ASIC2: variants seen among roughly 807,000 people sequenced by gnomAD.
The protein encoded by ASIC2 is acid sensing ion channel subunit 2.
In ASIC2, 25 loss-of-function variants were observed where a neutral mutation model predicts 57.3. The observed-to-expected ratio is 0.44, with a 90% CI of 0.32 to 0.61. ASIC2 has a LOEUF of 0.61. ASIC2 is among the 20% of genes least tolerant of loss of function. The probability of loss-of-function intolerance (pLI) is 0.06; values close to 1 mark genes in which losing one functional copy is unlikely to be tolerated. For missense variants in ASIC2, 641 were observed against 738.1 expected (o/e 0.87, Z 1.52); for synonymous variants, 319 against 307.5 (o/e 1.04, Z -0.39).
intron 1 of ASIC2, among the ~76,000 whole-genome samples, chr17:33,197,923 T>C (rs1043931059): frequency 2.0e-5 from 3 of 152,220 alleles, no homozygotes; most frequent in South Asian, 4.1e-4. Flanking sequence ...TATTTAGATA[T>C]GTGTTACATG....
chr17:33,025,452 T>C (rs2091854778), intron 5 of ASIC2, among the ~76,000 whole-genome samples: 1 of 151,886 alleles, frequency 6.6e-6, no homozygotes, highest in South Asian at 2.1e-4. Context: ...CTCCTCCACC[T>C]CCCCTAGGCT....
chr17:33,252,748 G>T (rs145593601), intron 1 of ASIC2, among the ~76,000 whole-genome samples: 1 of 151,900 alleles, frequency 6.6e-6, no homozygotes, highest in Non-Finnish European at 1.5e-5. Context: ...CTTCTCTTAC[G>T]CCTTTGCCCA....
chr17:33,434,650 A>G (rs922652976), intron 1 of ASIC2, among the ~76,000 whole-genome samples: 18 of 152,352 alleles, frequency 1.2e-4, no homozygotes, highest in African/African-American at 4.3e-4. Flanking sequence ...TCATCGATAT[A>G]CAAGAACTCA....
At chr17:33,735,561 G>A (rs1909885291) in intron 1 of ASIC2, among the ~76,000 whole-genome samples, 1 of 152,158 alleles carries the variant, frequency 6.6e-6, no homozygotes. Context: ...TGGGTGGAGG[G>A]TTGGCTGGGA....
intron 1 of ASIC2, among the ~76,000 whole-genome samples, chr17:33,957,669 C>G (rs369403973): frequency 3.7e-4 from 57 of 152,110 alleles, no homozygotes; most frequent in African/African-American, 1.3e-3. Context: ...TCCCATGACA[C>G]GTGGGGATTA....
At chr17:33,867,705 A>G (rs382850) in intron 1 of ASIC2, among the ~76,000 whole-genome samples, 103,742 of 151,844 alleles carry the variant, frequency 0.68, 36,482 homozygotes, top group Admixed American at 0.8. Context: ...GAGCCCCACG[A>G]AGAGGCCTGG....
chr17:33,092,941 T>A (rs745766829), intron 2 of ASIC2, among the ~76,000 whole-genome samples: 3 of 152,182 alleles, frequency 2.0e-5, no homozygotes, highest in Admixed American at 6.5e-5. Context: ...CCCTGCTGTA[T>A]CTGGTCAGCT....
intron 1 of ASIC2, among the ~76,000 whole-genome samples, chr17:33,629,404 C>T (rs1906091268): frequency 6.6e-6 from 1 of 152,190 alleles, no homozygotes; most frequent in Admixed American, 6.5e-5. Flanking sequence ...GATCAATGCA[C>T]AGCTCTCCTA....
chr17:33,278,712 C>T (rs556559612), intron 1 of ASIC2, among the ~76,000 whole-genome samples: 1 of 152,056 alleles, frequency 6.6e-6, no homozygotes, highest in African/African-American at 2.4e-5. Flanking sequence ...TTTGCCATAA[C>T]TCTTTATTGA....
At chr17:33,722,376 T>C (rs1909414580) in intron 1 of ASIC2, among the ~76,000 whole-genome samples, 1 of 152,358 alleles carries the variant, frequency 6.6e-6, no homozygotes, top group African/African-American at 2.4e-5. Context: ...GGTATGTCCT[T>C]ATTAGCAGCG....
At position 33,292,710 on chromosome 17, in the gene ASIC2, G is replaced by C. The variant is rs889605086; in HGVS notation, c.-595C>G. On this transcript the variant is annotated 5_prime_UTR_variant, in exon 1 of 10. Coordinates refer to ENST00000225823, the MANE Select transcript of ASIC2 (RefSeq NM_183377.2). The stretch of plus-strand genomic sequence containing the variant: ...CGCACCGCGGCTCCTGGCTGGGCGG[G>C]CGGGGTGGGTGTGTACGGGGGTGAG... 2.0e-6 allele frequency: 2 copies of C among 985,504 alleles called. No homozygotes were observed. The highest frequency in any genetic ancestry group is 1.2e-4 in the Admixed American group (2 of 16,280). The allele number at this position is 985,504 out of a possible 1,614,324, so 61.0% of individuals were successfully genotyped here.
intron 1 of ASIC2, among the ~76,000 whole-genome samples, chr17:33,967,888 C>G (rs935164861): frequency 6.6e-6 from 1 of 152,180 alleles, no homozygotes; most frequent in South Asian, 2.1e-4. Flanking sequence ...TGGTTTAATG[C>G]TCTGCTCTCA....
intron 1 of ASIC2, among the ~76,000 whole-genome samples, chr17:33,283,041 G>A (rs1333137790): frequency 6.6e-6 from 1 of 152,170 alleles, no homozygotes; most frequent in Non-Finnish European, 1.5e-5. Context: ...TTGCACTTTG[G>A]TTTGACTGAC....
chr17:33,497,310 T>C (rs1913967102), intron 1 of ASIC2, among the ~76,000 whole-genome samples: 1 of 152,258 alleles, frequency 6.6e-6, no homozygotes, highest in East Asian at 1.9e-4. Flanking sequence ...CACATGGGCA[T>C]TTGGAGAAAG....
chr17:33,211,536 G>GAA (rs10717410), intron 1 of ASIC2, among the ~76,000 whole-genome samples: 3,839 of 126,650 alleles, frequency 0.03, 75 homozygotes, highest in East Asian at 0.081. Context: ...CTCTTTAAAT[G>GAA]AAAAAAAAAA....
intron 1 of ASIC2, chr17:34,120,179 T>C (rs549142179): frequency 6.6e-6 from 1 of 152,364 alleles, no homozygotes; most frequent in African/African-American, 2.4e-5. Context: ...TTTGAGCTCC[T>C]TTCTGATGAC....
intron 1 of ASIC2, among the ~76,000 whole-genome samples, chr17:33,548,790 T>C (rs1031839385): frequency 6.6e-5 from 10 of 152,150 alleles, no homozygotes; most frequent in African/African-American, 9.7e-5. Flanking sequence ...GTCAAGGTCA[T>C]TACCACCACA....
intron 1 of ASIC2, among the ~76,000 whole-genome samples, chr17:33,732,449 C>T (rs1909771120): frequency 1.3e-5 from 2 of 151,548 alleles, no homozygotes; most frequent in Admixed American, 1.3e-4. Flanking sequence ...GATCTCTATA[C>T]CTCCATGTTC....
At chr17:33,848,790 A>C (rs972736436) in intron 1 of ASIC2, among the ~76,000 whole-genome samples, 1 of 152,050 alleles carries the variant, frequency 6.6e-6, no homozygotes, top group Non-Finnish European at 1.5e-5. Context: ...GGCCCTCAAC[A>C]CTCTGGGGTT....
Sources: gnomAD v4.1 joint callset for allele counts (sites outside exome capture counted in the v4.1 genomes callset) on GRCh38, gnomAD v4.1.1 for gene constraint, MANE v1.5 for transcripts, NCBI Gene and HGNC (gene_info 2026-07-23, HGNC 2026-07-21) for gene names.